Variants in NCOA7 observed in about 807,000 individuals in gnomAD.
The protein encoded by NCOA7 is 140 kDa estrogen receptor-associated protein.
Under a neutral mutation model 104.3 loss-of-function variants are expected in NCOA7, and 45 were observed. The observed-to-expected ratio is 0.43, with a 90% CI of 0.34 to 0.55. The LOEUF (loss-of-function observed/expected upper bound fraction) is 0.55. Among genes scored for constraint, NCOA7 ranks in the 20% least tolerant of loss-of-function variants. The pLI is 0.02. For missense variants in NCOA7, 1,041 were observed against 1,119.7 expected (o/e 0.93, Z 1.00); for synonymous variants, 398 against 402.3 (o/e 0.99, Z 0.13).
chr6:125,922,966 T>C, intron 13 of NCOA7, 132 bp downstream of exon 13: 1 of 780,828 alleles, frequency 1.3e-6, no homozygotes, highest in Non-Finnish European at 1.9e-6. Context: ...CTGTGTCTTT[T>C]ATCTTTGTTT....
chr6:125,854,899 T>C, intron 2 of NCOA7, 121 bp from the exon 3 acceptor site: 1 of 646,640 alleles, frequency 1.5e-6, no homozygotes, highest in East Asian at 2.7e-5. Context: ...AACCATATTA[T>C]AAGGAAAGTG....
chr6:125,840,882 T>TTTTTG (rs1407761661), intron 2 of NCOA7, among the ~76,000 whole-genome samples: 1 of 21,346 alleles, frequency 4.7e-5, no homozygotes, highest in Non-Finnish European at 1.2e-4. Context: ...TTTTTTTTTT[T>TTTTTG]TTTTTTTTTT....
chr6:125,875,108 G>C, intron 4 of NCOA7, 140 bp downstream of exon 4: 1 of 565,406 alleles, frequency 1.8e-6, no homozygotes, highest in Non-Finnish European at 3.2e-6. Flanking sequence ...CCAGTTTTAG[G>C]TCATTTCTTT....
intron 1 of NCOA7, among the ~76,000 whole-genome samples, chr6:125,794,801 T>G (rs1471662170): frequency 6.6e-6 from 1 of 152,244 alleles, no homozygotes; most frequent in Non-Finnish European, 1.5e-5. Context: ...AGCCATTCAA[T>G]TTAAGTCAAT....
rs181656211 is a variant in NCOA7, at chr6:125,915,380, A to G, written c.2144A>G (p.Tyr715Cys). 88 of 1,613,918 alleles carry G rather than the reference A, an allele frequency of 5.5e-5. No individual in the cohort carries two copies. The Admixed American group carries it at 1.3e-3, about 24-fold the overall frequency. ...TTTGTTCAGTGGTCTCCCGATGTCT[A>G]TGGAAAAGATGCCAAAGAGCAAGGC... ...TFFVQWSPDV[Y>C]GKDAKEQGFV... Residue 715 changes from tyrosine to cysteine, a missense_variant, in exon 11 of 16, where the codon TAT (tyrosine) becomes TGT (cysteine). By Grantham distance (194) the Tyr-to-Cys change is radical. This residue lies in a region of NCOA7 where 914 missense variants were observed against 942.7 expected (regional missense o/e 0.97). Transcript: ENST00000392477.
chr6:125,885,284 T>G lies in NCOA7; in HGVS notation c.825T>G (p.Val275=), dbSNP rs1784162664. The change falls in exon 8 of 16, where the codon GTT becomes GTG. Residue 275 remains valine, a synonymous_variant. Coordinates refer to ENST00000392477, the MANE Select transcript of NCOA7 (RefSeq NM_181782.5). The stretch of plus-strand genomic sequence containing the variant: ...GTCTCATCTGCCCCATGGAAGAGGT[T>G]GTTTCCATTGCGCTCTACAATGACA... ...EYGLICPMEE[V]VSIALYNDIS... The G allele has an allele frequency of 1.2e-6, 2 of 1,614,054 alleles. No individual in the cohort carries two copies. The highest frequency in any genetic ancestry group is 1.7e-6 in the Non-Finnish European group (2 of 1,179,936).
chr6:125,830,597 G>T (rs907888401), intron 2 of NCOA7, among the ~76,000 whole-genome samples: 1 of 152,040 alleles, frequency 6.6e-6, no homozygotes, highest in Non-Finnish European at 1.5e-5. Context: ...GGGCCTAGGG[G>T]TTGGGGTACT....
chr6:125,907,158 A>G (rs938315276), intron 10 of NCOA7, among the ~76,000 whole-genome samples: 3 of 152,138 alleles, frequency 2.0e-5, no homozygotes, highest in Non-Finnish European at 4.4e-5. Context: ...ACGTGAGAGA[A>G]TGAGGGGATA....
Position 125,813,449 on chromosome 6 carries a change from ATT to A in NCOA7, c.-64-1823_-64-1822del, listed in dbSNP as rs36073060. Among the ~76,000 whole-genome samples, 821 of 135,636 alleles carry A rather than the reference ATT, an allele frequency of 6.1e-3. 7 individuals carry two copies. The highest frequency in any genetic ancestry group is 0.02 in the African/African-American group (745 of 36,584). The allele number at this position is 135,636 out of a possible 152,430, so 89.0% of individuals were successfully genotyped here. On this transcript the variant is annotated intron_variant, in intron 1 of 15. Coordinates refer to ENST00000392477, the MANE Select transcript of NCOA7 (RefSeq NM_181782.5). Reference sequence around the variant, plus strand: ...TCGTACCCTTTACCTGGGAAATGCAATTTTTTTTTTTTTTTTTTTTAGACGGA... The same window carrying A: ...TCGTACCCTTTACCTGGGAAATGCAATTTTTTTTTTTTTTTTTTAGACGGA...
intron 11 of NCOA7, among the ~76,000 whole-genome samples, chr6:125,918,966 A>G (rs1300737206): frequency 1.3e-5 from 2 of 152,062 alleles, no homozygotes; most frequent in Admixed American, 6.6e-5. Context: ...AAAAAAAAAG[A>G]AAAAAAACTC....
chr6:125,846,159 T>C (rs1025293701), intron 2 of NCOA7, among the ~76,000 whole-genome samples: 10 of 152,116 alleles, frequency 6.6e-5, no homozygotes, highest in African/African-American at 2.4e-4. Context: ...TTGGTTTTGG[T>C]TGTTTTTTTG....
At chr6:125,804,594 G>A (rs1216214055) in intron 1 of NCOA7, among the ~76,000 whole-genome samples, 1 of 152,118 alleles carries the variant, frequency 6.6e-6, no homozygotes, top group Non-Finnish European at 1.5e-5. Context: ...TAATCTTTGT[G>A]TGCAGGTAGA....
chr6:125,917,720 G>T (rs1039539668), intron 11 of NCOA7, among the ~76,000 whole-genome samples: 2 of 152,172 alleles, frequency 1.3e-5, no homozygotes, highest in Non-Finnish European at 2.9e-5. Context: ...GAGGGCTTCA[G>T]TATTTAAAGG....
chr6:125,808,029 C>G (rs536102233), intron 1 of NCOA7, among the ~76,000 whole-genome samples: 1 of 152,308 alleles, frequency 6.6e-6, no homozygotes, highest in African/African-American at 2.4e-5. Context: ...TTTTCCTGAT[C>G]CACTAGAATA....
At chr6:125,880,414 A>C (rs1783723751) in intron 5 of NCOA7, among the ~76,000 whole-genome samples, 1 of 151,744 alleles carries the variant, frequency 6.6e-6, no homozygotes. Flanking sequence ...TCCAATTTCT[A>C]CTTGTTCTTC....
chr6:125,839,211 G>A (rs572354511), intron 2 of NCOA7, among the ~76,000 whole-genome samples: 7 of 152,140 alleles, frequency 4.6e-5, no homozygotes, highest in Admixed American at 2.6e-4. Flanking sequence ...TCTGCCTCCC[G>A]GGTTCAAGCA....
rs1777492449 is a variant in NCOA7, at chr6:125,815,374, A to C, written c.20A>C (p.Lys7Thr). ...TGTATTATGGATACCAAGGAAGAGA[A>C]GAAGGAACGGAAACAAAGTTATTTT... MDTKEE[K>T]KERKQSYFAR... The change falls in exon 2 of 16, where the codon AAG becomes ACG. Residue 7 changes from lysine (K) to threonine (T), a missense_variant. Lys to Thr is a moderately conservative substitution (Grantham distance 78). Coordinates refer to ENST00000392477, the MANE Select transcript of NCOA7 (RefSeq NM_181782.5). 1 of 1,608,878 alleles carries C rather than the reference A, an allele frequency of 6.2e-7. No individual in the cohort carries two copies. The highest frequency in any genetic ancestry group is 8.5e-7 in the Non-Finnish European group (1 of 1,177,662).
chr6:125,910,983 G>A (rs1786486797), intron 10 of NCOA7, among the ~76,000 whole-genome samples: 1 of 152,174 alleles, frequency 6.6e-6, no homozygotes, highest in African/African-American at 2.4e-5. Flanking sequence ...CAGGTCGTGG[G>A]GGTGACAAAG....
chr6:125,825,843 C>CT (rs1295216308), intron 2 of NCOA7, among the ~76,000 whole-genome samples: 14 of 152,040 alleles, frequency 9.2e-5, no homozygotes, highest in African/African-American at 2.9e-4. Context: ...AACCACAACT[C>CT]TAAGTTTATA....
Sources: allele counts gnomAD v4.1 joint callset (sites outside exome capture counted in the v4.1 genomes callset), GRCh38; gene constraint gnomAD v4.1.1; regional missense constraint gnomAD v4.1.1; transcripts MANE v1.5; gene names NCBI Gene and HGNC (gene_info 2026-07-23, HGNC 2026-07-21).